EPHA4: variants seen among roughly 807,000 people sequenced by gnomAD.
EPHA4 encodes the protein EPH receptor A4.
A neutral mutation model predicts 108.3 loss-of-function variants in EPHA4; 19 were observed. The ratio of observed to expected loss-of-function variants is 0.18; its 90% CI spans 0.12 to 0.26. The LOEUF (loss-of-function observed/expected upper bound fraction) is 0.26. Among genes scored for constraint, EPHA4 ranks in the 10% least tolerant of loss-of-function variants. The pLI, the probability that EPHA4 is intolerant of heterozygous loss-of-function variation, is 1.00. For synonymous variants in EPHA4, 449 were observed against 455.5 expected (o/e 0.99, Z 0.18); for missense variants, 917 against 1,254.0 (o/e 0.73, Z 4.06).
At chr2:221,527,271 G>C (rs1693364477) in intron 3 of EPHA4, among the ~76,000 whole-genome samples, 1 of 152,126 alleles carries the variant, frequency 6.6e-6, no homozygotes, top group African/African-American at 2.4e-5. Flanking sequence ...CGGCTCTTGA[G>C]GCCTCTTCAG....
intron 8 of EPHA4, among the ~76,000 whole-genome samples, chr2:221,447,636 C>T (rs1690633593): frequency 6.6e-6 from 1 of 152,074 alleles, no homozygotes; most frequent in African/African-American, 2.4e-5. Context: ...CACTTTTACA[C>T]TGCATTTAAC....
intron 5 of EPHA4, among the ~76,000 whole-genome samples, chr2:221,478,615 C>G (rs1336686494): frequency 6.6e-6 from 1 of 152,174 alleles, no homozygotes; most frequent in Non-Finnish European, 1.5e-5. Context: ...CTTTTCCCAC[C>G]TCTTCCCTTC....
In EPHA4 at chr2:221,455,634, C is replaced by G. The variant is rs772581007; in HGVS notation, c.1628G>C (p.Gly543Ala). ...GACCAGAAGGACTGTGGAGTTAGCC[C>G]CATCTCCAATGATCCGGGAAGGCAC... Reference protein sequence around the residue: ...NTVPSRIIGDGANSTVLLVSV... With the variant: ...NTVPSRIIGDAANSTVLLVSV... The change falls in exon 8 of 18, where the codon GGG (glycine) becomes GCG (alanine). Residue 543 changes from glycine (G) to alanine (A), a missense_variant. Coordinates refer to ENST00000281821, the MANE Select transcript of EPHA4 (RefSeq NM_004438.5). The G allele has an allele frequency of 3.1e-6, 5 of 1,613,656 alleles. No homozygotes were observed. The highest frequency in any genetic ancestry group is 4.2e-6 in the Non-Finnish European group (5 of 1,179,852).
At chr2:221,492,774 C>T (rs983304230) in intron 4 of EPHA4, among the ~76,000 whole-genome samples, 1 of 152,174 alleles carries the variant, frequency 6.6e-6, no homozygotes, top group African/African-American at 2.4e-5. Context: ...CATTAGCTGG[C>T]TTACCAACTA....
chr2:221,537,384 C>A (rs2680852), intron 3 of EPHA4, among the ~76,000 whole-genome samples: 1 of 152,192 alleles, frequency 6.6e-6, no homozygotes, highest in African/African-American at 2.4e-5. Context: ...CCAATATTAC[C>A]CAGTATGGCT....
intron 3 of EPHA4, among the ~76,000 whole-genome samples, chr2:221,551,101 T>C (rs925588345): frequency 6.6e-6 from 1 of 152,092 alleles, no homozygotes; most frequent in Non-Finnish European, 1.5e-5. Context: ...TGTTGTAATA[T>C]AAAAGTTTGA....
chr2:221,543,769 AGAAG>A (rs1471450335), intron 3 of EPHA4, among the ~76,000 whole-genome samples: 3 of 152,256 alleles, frequency 2.0e-5, no homozygotes, highest in African/African-American at 7.2e-5. Flanking sequence ...TACAGGGCTT[AGAAG>A]GATAAAGTGA....
At chr2:221,506,495 A>T (rs536886364) in intron 3 of EPHA4, among the ~76,000 whole-genome samples, 1 of 152,314 alleles carries the variant, frequency 6.6e-6, no homozygotes, top group East Asian at 1.9e-4. Flanking sequence ...GGCAGGGTGG[A>T]TTTTCTAACA....
At chr2:221,501,594 CT>C in intron 3 of EPHA4, among the ~76,000 whole-genome samples, 1 of 152,190 alleles carries the variant, frequency 6.6e-6, no homozygotes, top group East Asian at 1.9e-4. Context: ...GACCATACAT[CT>C]GCTAAGTGTC....
At chr2:221,426,901 C>T (rs1292460548) in intron 15 of EPHA4, among the ~76,000 whole-genome samples, 1 of 152,170 alleles carries the variant, frequency 6.6e-6, no homozygotes, top group African/African-American at 2.4e-5. Flanking sequence ...CTTTTAACAC[C>T]CTAGCCTGGG....
At chr2:221,487,267 G>A (rs1034462689) in intron 4 of EPHA4, among the ~76,000 whole-genome samples, 1 of 152,128 alleles carries the variant, frequency 6.6e-6, no homozygotes, top group Non-Finnish European at 1.5e-5. Context: ...GGGAACCTAG[G>A]GAAAAAGGCA....
At chr2:221,531,648 CT>C (rs1004024911) in intron 3 of EPHA4, among the ~76,000 whole-genome samples, 4 of 150,948 alleles carry the variant, frequency 2.6e-5, no homozygotes, top group African/African-American at 4.9e-5. Context: ...ATCTAAAAAG[CT>C]TTTTTTTTCT....
chr2:221,505,432 T>A (rs1692599750), intron 3 of EPHA4, among the ~76,000 whole-genome samples: 1 of 151,994 alleles, frequency 6.6e-6, no homozygotes, highest in Admixed American at 6.6e-5. Flanking sequence ...TTCAAGCGAT[T>A]CCCCTGCCTC....
intron 5 of EPHA4, among the ~76,000 whole-genome samples, chr2:221,477,614 C>T (rs1289996423): frequency 3.3e-5 from 5 of 152,120 alleles, no homozygotes; most frequent in African/African-American, 9.7e-5. Context: ...GTTTTCCCCC[C>T]GCAACGTAAA....
At position 221,430,118 on chromosome 2, in the gene EPHA4, G is replaced by A; in HGVS notation, c.2530C>T (p.Pro844Ser). ...IKAIEEGYRLPPPMDCPIALH... is the reference protein window; with the variant it reads ...IKAIEEGYRLSPPMDCPIALH... ...GCAATGGGGCAGTCCATTGGAGGGGGTAACCGATAGCCTTCCTCAATGGCT... is the reference window on the plus strand; with the variant it reads ...GCAATGGGGCAGTCCATTGGAGGGGATAACCGATAGCCTTCCTCAATGGCT... The change falls in exon 15 of 18, where the codon CCC becomes TCC. Residue 844 changes from proline to serine, a missense_variant. Physicochemically the swap from Pro to Ser is moderately conservative, Grantham distance 74 (BLOSUM62 -1). This residue lies in a region of EPHA4 where 758 missense variants were observed against 1,076.7 expected (regional missense o/e 0.70). Transcript: ENST00000281821. 1 of 1,611,002 alleles carries A rather than the reference G, an allele frequency of 6.2e-7. No individual in the cohort carries two copies. Among genetic ancestry groups the A allele is most frequent in the Non-Finnish European group, 8.5e-7 (1 of 1,179,062 alleles).
intron 3 of EPHA4, among the ~76,000 whole-genome samples, chr2:221,543,356 A>G (rs532083400): frequency 6.6e-6 from 1 of 152,328 alleles, no homozygotes; most frequent in South Asian, 2.1e-4. Flanking sequence ...CTCCATGATC[A>G]TTAACTCATT....
At chr2:221,569,777 C>A (rs1324794620) in intron 1 of EPHA4, among the ~76,000 whole-genome samples, 1 of 152,040 alleles carries the variant, frequency 6.6e-6, no homozygotes, top group African/African-American at 2.4e-5. Flanking sequence ...AGCCGCCATC[C>A]GTGCTCATGC....
At position 221,482,422 on chromosome 2, in the gene EPHA4, C is replaced by T; in HGVS notation, c.1248G>A (p.Val416=). ...HTNYTFEIWA[V]NGVSKYNPNP... is the part of the protein sequence containing the mutation. The stretch of plus-strand genomic sequence containing the variant: ...TAGGGTTATATTTGGACACTCCATT[C>T]ACAGCCCAGATTTCAAAGGTGTAAT... The change falls in exon 5 of 18, where the codon GTG becomes GTA. Residue 416 remains valine (V), a synonymous_variant. Transcript: ENST00000281821. 1 of 1,614,022 alleles carries T rather than the reference C, an allele frequency of 6.2e-7. No homozygotes were observed. Among genetic ancestry groups the T allele is most frequent in the Non-Finnish European group, 8.5e-7 (1 of 1,179,986 alleles).
chr2:221,529,329 G>A (rs889142987), intron 3 of EPHA4, among the ~76,000 whole-genome samples: 13 of 152,118 alleles, frequency 8.5e-5, no homozygotes, highest in Admixed American at 2.6e-4. Context: ...GAGAAGGGGC[G>A]GTCACCATTC....
Sources: gnomAD v4.1 joint callset for allele counts (sites outside exome capture counted in the v4.1 genomes callset) on GRCh38, gnomAD v4.1.1 for gene constraint, gnomAD v4.1.1 regional missense constraint, MANE v1.5 for transcripts, NCBI Gene and HGNC (gene_info 2026-07-23, HGNC 2026-07-21) for gene names.